ARHGAP26: variants seen among roughly 807,000 people sequenced by gnomAD.
ARHGAP26 encodes rho GTPase-activating protein 26.
A neutral mutation model predicts 104.8 loss-of-function variants in ARHGAP26; 38 were observed. That is an observed-to-expected ratio of 0.36 (90% confidence interval 0.28 to 0.48). The LOEUF (loss-of-function observed/expected upper bound fraction) is 0.48, where lower values mean the gene tolerates loss of function less well. ARHGAP26 is among the 20% of genes least tolerant of loss of function. The pLI is 0.99. For missense variants in ARHGAP26, 704 were observed against 947.9 expected, an observed-to-expected ratio of 0.74 and a Z score of 3.38; for synonymous variants, 341 against 340.0, an observed-to-expected ratio of 1.00 and a Z score of -0.03.
chr5:143,125,701 T>TTTA (rs1796646494), intron 18 of ARHGAP26, among the ~76,000 whole-genome samples: 3 of 152,190 alleles, frequency 2.0e-5, no homozygotes, highest in Non-Finnish European at 4.4e-5. Context: ...AATTAATGAA[T>TTTA]CCTTTAAATG....
At position 143,226,518 on chromosome 5, in the gene ARHGAP26, CAGG is replaced by C. The variant is rs1811696378; in HGVS notation, c.*4075_*4077del. On this transcript the variant is annotated 3_prime_UTR_variant, in exon 23 of 23. Coordinates refer to ENST00000645722, the MANE Select transcript of ARHGAP26 (RefSeq NM_001135608.3). ...AAAAAAAAAAAAAAGAATGCCATGC[CAGG>C]AGAAGACAGCTGGTTTCAAATCCCT... The C allele has an allele frequency of 1.0e-5, 2 of 191,304 alleles. No homozygotes were observed. Among genetic ancestry groups the C allele is most frequent in the Non-Finnish European group, 2.2e-5 (2 of 92,388 alleles). 11.9% of individuals were successfully genotyped at this position (191,304 alleles called of 1,614,324 possible).
intron 1 of ARHGAP26, among the ~76,000 whole-genome samples, chr5:142,790,711 C>T (rs1262537648): frequency 6.6e-6 from 1 of 152,198 alleles, no homozygotes; most frequent in African/African-American, 2.4e-5. Flanking sequence ...CTCTGATGCT[C>T]TGAGCACTTT....
chr5:143,153,924 T>A (rs17287634), intron 20 of ARHGAP26, among the ~76,000 whole-genome samples: 11,821 of 152,252 alleles, frequency 0.078, 617 homozygotes, highest in Non-Finnish European at 0.11. Context: ...ATTCAAAGGA[T>A]AAACAAGGCC....
At chr5:142,970,548 C>T (rs1172220566) in intron 11 of ARHGAP26, among the ~76,000 whole-genome samples, 1 of 152,204 alleles carries the variant, frequency 6.6e-6, no homozygotes, top group Non-Finnish European at 1.5e-5. Context: ...ATACTTCTTC[C>T]CCTATTGTTC....
At chr5:142,856,070 G>A (rs752093598) in intron 1 of ARHGAP26, among the ~76,000 whole-genome samples, 1 of 152,184 alleles carries the variant, frequency 6.6e-6, no homozygotes, top group Non-Finnish European at 1.5e-5. Context: ...TATTGTGTTC[G>A]CCATCTGTTT....
intron 6 of ARHGAP26, among the ~76,000 whole-genome samples, chr5:142,900,491 A>G (rs897966863): frequency 5.9e-5 from 9 of 151,580 alleles, no homozygotes; most frequent in Non-Finnish European, 1.2e-4. Flanking sequence ...TCTGGGTTTT[A>G]TCTTCACAGG....
intron 22 of ARHGAP26, among the ~76,000 whole-genome samples, chr5:143,220,180 T>C (rs1244911459): frequency 3.3e-5 from 5 of 152,218 alleles, no homozygotes; most frequent in Non-Finnish European, 7.4e-5. Context: ...GTTTTTGTTT[T>C]TTTGTTTTGT....
At chr5:142,856,153 T>C (rs1365428975) in intron 1 of ARHGAP26, among the ~76,000 whole-genome samples, 5 of 152,218 alleles carry the variant, frequency 3.3e-5, no homozygotes, top group Non-Finnish European at 7.3e-5. Context: ...CCCTGTCTTC[T>C]TGGAGCTGCC....
intron 1 of ARHGAP26, among the ~76,000 whole-genome samples, chr5:142,862,480 C>T (rs1753546632): frequency 6.6e-6 from 1 of 152,198 alleles, no homozygotes; most frequent in Non-Finnish European, 1.5e-5. Flanking sequence ...GTAAATATTT[C>T]TGCAGACTTT....
In ARHGAP26 at chr5:142,874,536, G is replaced by A. The variant is rs187759821; in HGVS notation, c.251-574G>A. Among the ~76,000 whole-genome samples the A allele has an allele frequency of 3.4e-3, 525 of 152,252 alleles. 4 individuals are homozygous for A. The highest frequency in any genetic ancestry group is 0.011 in the African/African-American group (476 of 41,542). On this transcript the variant is annotated intron_variant, in intron 2 of 22. Transcript: ENST00000645722. ...TCGAGTATCCTCAGGGCCATTGCAC[G>A]TAATGCTTATTGCTTTTATGAATAA...
chr5:142,976,841 A>G (rs954938594), intron 11 of ARHGAP26, among the ~76,000 whole-genome samples: 10 of 152,198 alleles, frequency 6.6e-5, no homozygotes, highest in Admixed American at 3.3e-4. Flanking sequence ...TGTGTTTGCC[A>G]TCATCCTCAG....
chr5:143,136,433 T>G (rs751401989), intron 19 of ARHGAP26, among the ~76,000 whole-genome samples: 11 of 152,232 alleles, frequency 7.2e-5, no homozygotes, highest in Non-Finnish European at 7.3e-5. Context: ...CATACAGATA[T>G]GCTCAGATAT....
At chr5:142,952,104 T>G (rs956973274) in intron 11 of ARHGAP26, among the ~76,000 whole-genome samples, 5 of 152,238 alleles carry the variant, frequency 3.3e-5, no homozygotes, top group Non-Finnish European at 7.3e-5. Context: ...CATTTGCCAT[T>G]GGATTTATGG....
intron 1 of ARHGAP26, among the ~76,000 whole-genome samples, chr5:142,861,127 A>G (rs1278245917): frequency 6.6e-6 from 1 of 152,134 alleles, no homozygotes; most frequent in East Asian, 1.9e-4. Flanking sequence ...TCCAGGCTGG[A>G]GAGGAGACGG....
Position 143,227,481 on chromosome 5 carries a change from G to A in ARHGAP26, c.*5035G>A, listed in dbSNP as rs1811761473. The stretch of plus-strand genomic sequence containing the variant: ...AATGTGTTTGGCAGCCACACCGATC[G>A]GCTGGGTGCTGAACCGCCTCTCTGT... On this transcript the variant is annotated 3_prime_UTR_variant, in exon 23 of 23. Coordinates refer to ENST00000645722, the MANE Select transcript of ARHGAP26 (RefSeq NM_001135608.3). The A allele has an allele frequency of 4.3e-6, 1 of 231,224 alleles. No homozygotes were observed. Among genetic ancestry groups the A allele is most frequent in the Admixed American group, 5.6e-5 (1 of 17,738 alleles). The allele number at this position is 231,224 out of a possible 1,614,324, so 14.3% of individuals were successfully genotyped here. A position where few individuals can be genotyped will look rare whatever the true frequency, so the allele number is the denominator to read the frequency against.
chr5:142,928,004 C>T (rs1162936979), intron 10 of ARHGAP26, among the ~76,000 whole-genome samples: 1 of 152,112 alleles, frequency 6.6e-6, no homozygotes, highest in African/African-American at 2.4e-5. Flanking sequence ...TTGGGTGGTT[C>T]ATTTTTTCTT....
At chr5:143,007,814 TTA>T (rs1395540055) in intron 11 of ARHGAP26, among the ~76,000 whole-genome samples, 1 of 87,250 alleles carries the variant, frequency 1.1e-5, no homozygotes, top group African/African-American at 3.2e-5. Context: ...GTGGCTATTT[TTA>T]TGTTTGATTG....
rs1598764103 is a variant in ARHGAP26, at chr5:143,042,003, G to A, written c.1285+113G>A. 7 of 864,224 alleles carry A rather than the reference G, an allele frequency of 8.1e-6. No individual in the cohort carries two copies. The South Asian group carries it at 9.0e-5, about 11-fold the overall frequency. The allele number at this position is 864,224 out of a possible 1,614,324, so 53.5% of individuals were successfully genotyped here. ...GTGGCAAAGGAATCGGGGTGTCCGT[G>A]AGCTGTCACCTAGAAGTCATCTGCC... On this transcript the variant is annotated intron_variant, in intron 14 of 22. Coordinates refer to ENST00000645722, the MANE Select transcript of ARHGAP26 (RefSeq NM_001135608.3).
chr5:143,202,079 T>A (rs1261289764), intron 20 of ARHGAP26, among the ~76,000 whole-genome samples: 1 of 152,242 alleles, frequency 6.6e-6, no homozygotes, highest in Non-Finnish European at 1.5e-5. Context: ...AAGAACTTGC[T>A]TTATGAATCT....
Sources: allele counts gnomAD v4.1 joint callset (sites outside exome capture counted in the v4.1 genomes callset), GRCh38; gene constraint gnomAD v4.1.1; transcripts MANE v1.5; gene names NCBI Gene and HGNC (gene_info 2026-07-23, HGNC 2026-07-21).